Variants in CDYL observed in about 807,000 individuals in gnomAD.
The protein encoded by CDYL is chromodomain Y-like protein.
In CDYL, 8 loss-of-function variants were observed where a neutral mutation model predicts 47.3. The ratio of observed to expected loss-of-function variants is 0.17; its 90% CI spans 0.10 to 0.31. The LOEUF (loss-of-function observed/expected upper bound fraction) is 0.31, where lower values mean the gene tolerates loss of function less well. CDYL is among the 10% of genes least tolerant of loss of function. The pLI is 1.00. For missense variants in CDYL, 471 were observed against 701.4 expected (o/e 0.67, Z 3.71); for synonymous variants, 266 against 265.0 (o/e 1.00, Z -0.04).
intron 1 of CDYL, among the ~76,000 whole-genome samples, chr6:4,803,243 G>A (rs1318263821): frequency 6.6e-6 from 1 of 152,106 alleles, no homozygotes; most frequent in African/African-American, 2.4e-5. Context: ...ACAGTGTCAG[G>A]GTTCTTCTGC....
In CDYL at chr6:4,719,406, T is replaced by C. The variant is rs1262036101; in HGVS notation, c.103+3525T>C. On this transcript the variant is annotated intron_variant, in intron 2 of 8. Coordinates refer to the CDYL transcript ENST00000328908. ...ATTTAACATCACGTCATCTAAACTG[T>C]GGCCTCACCTTCCCTCCCCTCTAAG... is the stretch of plus-strand genomic sequence containing the variant. 3.3e-5 allele frequency among the ~76,000 whole-genome samples: 5 copies of C among 152,180 alleles called. No homozygotes were observed. In the South Asian group the frequency reaches 1.0e-3, roughly 31 times the overall value.
intron 1 of CDYL, among the ~76,000 whole-genome samples, chr6:4,843,150 C>CT (rs1760552351): frequency 6.6e-6 from 1 of 152,104 alleles, no homozygotes; most frequent in Non-Finnish European, 1.5e-5. Context: ...ACCCCTAGTC[C>CT]CTTCTAGCTT....
At chr6:4,732,478 A>T (rs1008836968) in intron 2 of CDYL, among the ~76,000 whole-genome samples, 9 of 151,952 alleles carry the variant, frequency 5.9e-5, no homozygotes, top group African/African-American at 2.2e-4. Flanking sequence ...ACATAGCAAG[A>T]CCCCATCTCT....
rs1181683456 is a variant in CDYL, at chr6:4,819,154, C to G, written c.24+42347C>G. ...TCTCTCTCTCTCTCTCTCTCTCTCTCTCTCTCTCTGTGTGTGTGTGTGTGT... is the reference window on the plus strand; with the variant it reads ...TCTCTCTCTCTCTCTCTCTCTCTCTGTCTCTCTCTGTGTGTGTGTGTGTGT... On this transcript the variant is annotated intron_variant, in intron 1 of 6. Transcript: ENST00000397588. 6.7e-3 allele frequency among the ~76,000 whole-genome samples: 925 copies of G among 137,682 alleles called. 17 individuals carry two copies. Among genetic ancestry groups the G allele is most frequent in the African/African-American group, 0.028 (873 of 31,232 alleles). The allele number at this position is 137,682 out of a possible 152,430, so 90.3% of individuals were successfully genotyped here. A position where few individuals can be genotyped will look rare whatever the true frequency, so the allele number is the denominator to read the frequency against.
intron 1 of CDYL, among the ~76,000 whole-genome samples, chr6:4,819,529 C>A (rs1759774625): frequency 6.6e-6 from 1 of 152,118 alleles, no homozygotes; most frequent in South Asian, 2.1e-4. Context: ...GGGTCCAGCT[C>A]ATTGCTTTAA....
rs1390940619 is a variant in CDYL at position 4,955,407 on chromosome 6, AGTATTTTTGCATCT to A, written c.*1354_*1367del. On this transcript the variant is annotated 3_prime_UTR_variant, in exon 7 of 7. Transcript: ENST00000397588. ...GCCTTTATCTTGGATTGATTGGTAC[AGTATTTTTGCATCT>A]GTGGGACCTACCTTTTCGTTCAGTA... 1 of 152,698 alleles carries A rather than the reference AGTATTTTTGCATCT, an allele frequency of 6.5e-6. No individual in the cohort carries two copies. Among genetic ancestry groups the A allele is most frequent in the East Asian group, 1.9e-4 (1 of 5,206 alleles). 9.5% of individuals were successfully genotyped at this position (152,698 alleles called of 1,614,324 possible).
intron 2 of CDYL, among the ~76,000 whole-genome samples, chr6:4,909,925 A>G: frequency 6.6e-6 from 1 of 151,768 alleles, no homozygotes; most frequent in Non-Finnish European, 1.5e-5. Context: ...CTGGCCTTTC[A>G]TTGCTTACTG....
intron 1 of CDYL, among the ~76,000 whole-genome samples, chr6:4,710,937 ACACACACAC>A (rs1757142085): frequency 6.6e-6 from 1 of 152,090 alleles, no homozygotes; most frequent in African/African-American, 2.4e-5. Context: ...ACACACACAC[ACACACACAC>A]AAAGGTAACT....
chr6:4,821,277 T>C lies in CDYL; in HGVS notation c.24+44470T>C, dbSNP rs866464902. The stretch of plus-strand genomic sequence containing the variant: ...TGGGAATTCTTTTTTTTTTTTTTTT[T>C]TTTTTTTTTTTTGAGACGGAGTCTC... On this transcript the variant is annotated intron_variant, in intron 1 of 6. Coordinates refer to ENST00000397588, the MANE Select transcript of CDYL (RefSeq NM_004824.4). Among the ~76,000 whole-genome samples the C allele has an allele frequency of 9.4e-5, 13 of 138,006 alleles. 1 individual carries two copies. The Middle Eastern group carries it at 0.017, about 186-fold the overall frequency. The allele number at this position is 138,006 out of a possible 152,430, so 90.5% of individuals were successfully genotyped here.
At chr6:4,862,105 A>G (rs1175471951) in intron 1 of CDYL, among the ~76,000 whole-genome samples, 4 of 152,184 alleles carry the variant, frequency 2.6e-5, no homozygotes, top group Non-Finnish European at 5.9e-5. Flanking sequence ...GGTACTGTGC[A>G]GGTCTCTGTG....
chr6:4,783,132 T>TTCTTCACCAGTG (rs1758660354), intron 1 of CDYL, among the ~76,000 whole-genome samples: 1 of 152,106 alleles, frequency 6.6e-6, no homozygotes. Flanking sequence ...ACTTCATAGT[T>TTCTTCACCAGTG]TCTTCAATCA....
At chr6:4,913,780 T>C (rs1757477370) in intron 2 of CDYL, among the ~76,000 whole-genome samples, 1 of 152,222 alleles carries the variant, frequency 6.6e-6, no homozygotes. Context: ...AACTCCACTA[T>C]TGTAGCCTGA....
chr6:4,786,820 C>T (rs969533933), intron 1 of CDYL, among the ~76,000 whole-genome samples: 4 of 152,182 alleles, frequency 2.6e-5, no homozygotes, highest in African/African-American at 7.2e-5. Context: ...GAAGTTTCCA[C>T]CCTTTTTCTC....
At chr6:4,909,322 G>A (rs1224043917) in intron 2 of CDYL, among the ~76,000 whole-genome samples, 5 of 152,182 alleles carry the variant, frequency 3.3e-5, no homozygotes, top group Admixed American at 3.3e-4. Context: ...GCGTCCGTAA[G>A]TGCTACCTCC....
chr6:4,776,621 A>T lies in CDYL; in HGVS notation c.-163A>T. Reference sequence around the variant, plus strand: ...CAACCCCGCCGCGCCGCCGGCCCGCACTGGCCGCGGAGTGCAAGAGGCTCG... The same window carrying T: ...CAACCCCGCCGCGCCGCCGGCCCGCTCTGGCCGCGGAGTGCAAGAGGCTCG... On this transcript the variant is annotated 5_prime_UTR_variant, in exon 1 of 7. Transcript: ENST00000397588. 1 of 373,968 alleles carries T rather than the reference A, an allele frequency of 2.7e-6. No individual in the cohort carries two copies. The highest frequency in any genetic ancestry group is 4.0e-6 in the Non-Finnish European group (1 of 247,236). The allele number at this position is 373,968 out of a possible 1,614,324, so 23.2% of individuals were successfully genotyped here.
At chr6:4,937,861 C>T (rs1274186349) in intron 4 of CDYL, 124 bp downstream of exon 4, 9 of 696,800 alleles carry the variant, frequency 1.3e-5, no homozygotes, top group African/African-American at 5.6e-5. Flanking sequence ...TGGAGAGACA[C>T]GAGCAGCAAA....
At chr6:4,855,363 TC>T (rs1286850544) in intron 1 of CDYL, among the ~76,000 whole-genome samples, 15 of 152,284 alleles carry the variant, frequency 9.9e-5, no homozygotes, top group African/African-American at 3.4e-4. Flanking sequence ...TGATCAGAGC[TC>T]ACTGCAGCCT....
rs114675495 is a variant in CDYL at position 4,818,344 on chromosome 6, C to T, written c.24+41537C>T. 9.6e-3 allele frequency among the ~76,000 whole-genome samples: 1,466 copies of T among 152,204 alleles called. 28 individuals carry two copies. The highest frequency in any genetic ancestry group is 0.033 in the African/African-American group (1,386 of 41,544). On this transcript the variant is annotated intron_variant, in intron 1 of 6. Coordinates refer to ENST00000397588, the MANE Select transcript of CDYL (RefSeq NM_004824.4). ...TATAAATGGTATTGATATTGTTAAA[C>T]CTTTCTAAGAAAGATTGTTTCTATG...
At chr6:4,895,168 T>C (rs1181128194) in intron 2 of CDYL, among the ~76,000 whole-genome samples, 1 of 21,314 alleles carries the variant, frequency 4.7e-5, no homozygotes, top group African/African-American at 5.2e-5. Context: ...CATGTACATA[T>C]GTGTATGTAT....
Sources: gnomAD v4.1 joint callset for allele counts (sites outside exome capture counted in the v4.1 genomes callset) on GRCh38, gnomAD v4.1.1 for gene constraint, MANE v1.5 for transcripts, NCBI Gene and HGNC (gene_info 2026-07-23, HGNC 2026-07-21) for gene names.